Variants in PDE4D observed in about 807,000 individuals in gnomAD.
The protein encoded by PDE4D is 3',5'-cyclic-AMP phosphodiesterase 4D.
Under a neutral mutation model 87.4 loss-of-function variants are expected in PDE4D, and 24 were observed. The ratio of observed to expected loss-of-function variants is 0.27; its 90% CI spans 0.20 to 0.39. The LOEUF (loss-of-function observed/expected upper bound fraction) is 0.39, where lower values mean the gene tolerates loss of function less well. PDE4D is among the 10% of genes least tolerant of loss of function. The probability of loss-of-function intolerance (pLI) is 1.00; values close to 1 mark genes in which losing one functional copy is unlikely to be tolerated. For synonymous variants in PDE4D, 384 were observed against 383.2 expected (o/e 1.00, Z -0.02); for missense variants, 714 against 1,041.0 (o/e 0.69, Z 4.32).
intron 1 of PDE4D, among the ~76,000 whole-genome samples, chr5:59,373,492 G>T (rs568684399): frequency 1.4e-3 from 216 of 152,246 alleles, no homozygotes; most frequent in Middle Eastern, 6.8e-3. Flanking sequence ...AGAGAAAACA[G>T]AATGAAAAGG....
intron 1 of PDE4D, among the ~76,000 whole-genome samples, chr5:60,329,791 C>T (rs1223003863): frequency 1.3e-5 from 2 of 152,010 alleles, no homozygotes; most frequent in African/African-American, 2.4e-5. Flanking sequence ...GTTGTTTGTC[C>T]TCTATGATTT....
intron 2 of PDE4D, among the ~76,000 whole-genome samples, chr5:60,037,488 G>A (rs555663248): frequency 6.6e-6 from 1 of 151,918 alleles, no homozygotes; most frequent in Non-Finnish European, 1.5e-5. Context: ...TTTAGTCTGG[G>A]CCCATTTGTT....
chr5:59,437,174 G>A (rs1796909624), intron 1 of PDE4D, among the ~76,000 whole-genome samples: 1 of 152,128 alleles, frequency 6.6e-6, no homozygotes, highest in Non-Finnish European at 1.5e-5. Context: ...TTTCAGGTAG[G>A]CCCACACAAT....
intron 1 of PDE4D, among the ~76,000 whole-genome samples, chr5:60,433,621 C>A (rs1583755370): frequency 6.6e-6 from 1 of 152,190 alleles, no homozygotes; most frequent in South Asian, 2.1e-4. Context: ...TACACACATG[C>A]ATATGTTCAT....
intron 1 of PDE4D, among the ~76,000 whole-genome samples, chr5:59,312,726 T>C (rs1347629613): frequency 6.6e-6 from 1 of 152,072 alleles, no homozygotes; most frequent in Non-Finnish European, 1.5e-5. Context: ...CCACAAATCC[T>C]CAAATTAGCC....
At chr5:59,967,535 T>A (rs767821613) in intron 3 of PDE4D, among the ~76,000 whole-genome samples, 12 of 151,842 alleles carry the variant, frequency 7.9e-5, no homozygotes, top group Non-Finnish European at 1.0e-4. Context: ...GAAATGCAAA[T>A]CAAAACCACA....
intron 1 of PDE4D, among the ~76,000 whole-genome samples, chr5:59,307,340 A>C (rs1195711888): frequency 4.0e-5 from 6 of 149,086 alleles, no homozygotes; most frequent in Admixed American, 1.3e-4. Flanking sequence ...CAATGGCAAC[A>C]AAAGCCAAAA....
intron 1 of PDE4D, among the ~76,000 whole-genome samples, chr5:59,347,799 A>G (rs1432650155): frequency 6.6e-6 from 1 of 152,170 alleles, no homozygotes; most frequent in Non-Finnish European, 1.5e-5. Context: ...TGGAGACTGA[A>G]AACAAGTCAG....
At chr5:60,143,014 T>C (rs1473800575) in intron 2 of PDE4D, among the ~76,000 whole-genome samples, 3 of 152,210 alleles carry the variant, frequency 2.0e-5, no homozygotes, top group Non-Finnish European at 4.4e-5. Flanking sequence ...TATAGTTACA[T>C]GACATTAGAT....
intron 1 of PDE4D, among the ~76,000 whole-genome samples, chr5:60,517,995 CTT>C (rs1750875768): frequency 6.6e-6 from 1 of 152,252 alleles, no homozygotes; most frequent in Non-Finnish European, 1.5e-5. Flanking sequence ...GTGACACCCT[CTT>C]TGGGGCTCTG....
At chr5:59,155,958 CT>C (rs1581102093) in intron 5 of PDE4D, among the ~76,000 whole-genome samples, 1 of 152,012 alleles carries the variant, frequency 6.6e-6, no homozygotes, top group East Asian at 1.9e-4. Context: ...TGAAGAGCTG[CT>C]GGTTTGGGAG....
At chr5:59,020,347 C>T (rs551633435) in intron 6 of PDE4D, among the ~76,000 whole-genome samples, 1 of 152,132 alleles carries the variant, frequency 6.6e-6, no homozygotes, top group Non-Finnish European at 1.5e-5. Flanking sequence ...TGGTCATGCA[C>T]CTGTTATACC....
At chr5:59,609,721 T>C (rs1828729310) in intron 1 of PDE4D, among the ~76,000 whole-genome samples, 1 of 152,088 alleles carries the variant, frequency 6.6e-6, no homozygotes, top group Non-Finnish European at 1.5e-5. Context: ...CCATTCTCAC[T>C]AAAACAGAAA....
chr5:59,018,993 T>C (rs974916048), intron 6 of PDE4D, among the ~76,000 whole-genome samples: 1 of 151,140 alleles, frequency 6.6e-6, no homozygotes, highest in African/African-American at 2.4e-5. Context: ...TGAAAGCTTA[T>C]AGGGCATTTC....
intron 1 of PDE4D, among the ~76,000 whole-genome samples, chr5:59,418,779 G>C (rs1430989235): frequency 6.6e-6 from 1 of 152,152 alleles, no homozygotes; most frequent in Non-Finnish European, 1.5e-5. Flanking sequence ...CACAAGAGTA[G>C]CTGGGATTAC....
At chr5:59,131,856 G>T (rs900620783) in intron 5 of PDE4D, among the ~76,000 whole-genome samples, 3 of 152,054 alleles carry the variant, frequency 2.0e-5, no homozygotes, top group African/African-American at 4.8e-5. Context: ...TTTTTGTTTT[G>T]AAATTCCAAA....
intron 1 of PDE4D, among the ~76,000 whole-genome samples, chr5:60,370,576 A>C (rs994028867): frequency 6.6e-5 from 10 of 152,234 alleles, no homozygotes; most frequent in African/African-American, 2.4e-4. Context: ...CATCATTCTC[A>C]TTAACGATGA....
chr5:60,056,775 C>T (rs554004317), intron 2 of PDE4D, among the ~76,000 whole-genome samples: 1 of 152,048 alleles, frequency 6.6e-6, no homozygotes, highest in South Asian at 2.1e-4. Context: ...TGACAACTAC[C>T]TTTGATGATC....
chr5:59,109,976 C>T (rs545715177), intron 5 of PDE4D, among the ~76,000 whole-genome samples: 13 of 152,156 alleles, frequency 8.5e-5, no homozygotes, highest in Non-Finnish European at 1.8e-4. Context: ...GTATGAGCCT[C>T]GAGAGTGTGC....
Sources: allele counts gnomAD v4.1 joint callset (sites outside exome capture counted in the v4.1 genomes callset), GRCh38; gene constraint gnomAD v4.1.1; transcripts MANE v1.5; gene names NCBI Gene and HGNC (gene_info 2026-07-23, HGNC 2026-07-21).